The following MAGI2 variants were observed in gnomAD, a reference collection of about 807,000 sequenced individuals.
MAGI2 encodes the protein membrane-associated guanylate kinase, WW and PDZ domain-containing protein 2.
MAGI2 carries 35 observed loss-of-function variants against 133.3 expected under a neutral mutation model. The observed-to-expected ratio is 0.26, with a 90% CI of 0.20 to 0.35. The LOEUF (loss-of-function observed/expected upper bound fraction) is 0.35. Among genes scored for constraint, MAGI2 ranks in the 10% least tolerant of loss-of-function variants. The pLI is 1.00. For synonymous variants in MAGI2, 729 were observed against 710.6 expected (o/e 1.03, Z -0.41); for missense variants, 1,636 against 1,863.4 (o/e 0.88, Z 2.25).
At chr7:79,167,307 G>T (rs954501518) in intron 1 of MAGI2, among the ~76,000 whole-genome samples, 1 of 144,512 alleles carries the variant, frequency 6.9e-6, no homozygotes, top group African/African-American at 2.6e-5. Flanking sequence ...TGATTCTTCT[G>T]CCTCTCTACT....
At chr7:78,052,299 T>C (rs1006700928) in intron 21 of MAGI2, among the ~76,000 whole-genome samples, 1 of 152,128 alleles carries the variant, frequency 6.6e-6, no homozygotes, top group Non-Finnish European at 1.5e-5. Context: ...GGGACTGAGT[T>C]CTCCTTCTTG....
intron 10 of MAGI2, among the ~76,000 whole-genome samples, chr7:78,216,997 A>G (rs1467971844): frequency 6.6e-6 from 1 of 152,166 alleles, no homozygotes; most frequent in African/African-American, 2.4e-5. Context: ...CTCTGCCTTC[A>G]TCTTCACAGA....
intron 1 of MAGI2, chr7:79,414,510 T>C (rs1432653965): frequency 6.6e-6 from 1 of 152,146 alleles, no homozygotes; most frequent in East Asian, 1.9e-4. Context: ...TTTACAGTCA[T>C]ACATGATCAG....
At chr7:79,005,346 T>C (rs996921162) in intron 2 of MAGI2, among the ~76,000 whole-genome samples, 10 of 152,144 alleles carry the variant, frequency 6.6e-5, no homozygotes, top group African/African-American at 2.4e-4. Flanking sequence ...ATCCAAGGAT[T>C]TCCAATTAAA....
intron 10 of MAGI2, among the ~76,000 whole-genome samples, chr7:78,214,436 T>G (rs1457542060): frequency 6.6e-6 from 1 of 152,246 alleles, no homozygotes; most frequent in Non-Finnish European, 1.5e-5. Context: ...TCCCTGATAC[T>G]ATCTTTTTGA....
At position 79,378,288 on chromosome 7, in the gene MAGI2, A is replaced by G. The variant is rs528137884; in HGVS notation, c.301+74732T>C. Among the ~76,000 whole-genome samples the G allele has an allele frequency of 4.3e-4, 65 of 151,970 alleles. No homozygotes were observed. The South Asian group carries it at 4.6e-3, about 11-fold the overall frequency. ...TAATATCAAGGACTTATATAACACT[A>G]ACAATGTTCCAGTCACTTGTCTAAC... is the stretch of plus-strand genomic sequence containing the variant. On this transcript the variant is annotated intron_variant, in intron 1 of 21. Coordinates refer to ENST00000354212, the MANE Select transcript of MAGI2 (RefSeq NM_012301.4).
At chr7:79,085,907 A>G (rs967270482) in intron 1 of MAGI2, among the ~76,000 whole-genome samples, 5 of 151,940 alleles carry the variant, frequency 3.3e-5, no homozygotes, top group African/African-American at 1.2e-4. Flanking sequence ...CAACTGCCTT[A>G]GCCTTCATGT....
At chr7:78,394,256 A>G (rs1796147905) in intron 6 of MAGI2, among the ~76,000 whole-genome samples, 1 of 152,196 alleles carries the variant, frequency 6.6e-6, no homozygotes, top group Non-Finnish European at 1.5e-5. Flanking sequence ...ATTAACCATC[A>G]CATCACCCTA....
intron 2 of MAGI2, among the ~76,000 whole-genome samples, chr7:78,981,537 T>C (rs1013623748): frequency 2.0e-5 from 3 of 151,848 alleles, no homozygotes; most frequent in Non-Finnish European, 1.5e-5. Context: ...TTAATTAATT[T>C]AAGCATAATC....
At chr7:79,272,986 G>C (rs1461523757) in intron 1 of MAGI2, among the ~76,000 whole-genome samples, 1 of 152,008 alleles carries the variant, frequency 6.6e-6, no homozygotes. Flanking sequence ...AGTAATTTTG[G>C]TCTCTCTATT....
chr7:78,744,140 T>C (rs180820294), intron 2 of MAGI2, among the ~76,000 whole-genome samples: 1 of 152,266 alleles, frequency 6.6e-6, no homozygotes, highest in Admixed American at 6.5e-5. Context: ...GTAAAAACAA[T>C]AAAGATATAT....
intron 6 of MAGI2, among the ~76,000 whole-genome samples, chr7:78,440,676 G>A (rs1293297046): frequency 5.3e-5 from 8 of 152,306 alleles, no homozygotes; most frequent in African/African-American, 1.9e-4. Flanking sequence ...GAGAGGATGG[G>A]CGTGGTGGCT....
At chr7:78,451,456 T>C (rs1381925630) in intron 6 of MAGI2, among the ~76,000 whole-genome samples, 1 of 152,096 alleles carries the variant, frequency 6.6e-6, no homozygotes, top group Non-Finnish European at 1.5e-5. Flanking sequence ...AGATTGAGCA[T>C]AGAACTAGTA....
At chr7:78,564,786 T>TC (rs1363122039) in intron 3 of MAGI2, among the ~76,000 whole-genome samples, 1 of 104,826 alleles carries the variant, frequency 9.5e-6, no homozygotes, top group Non-Finnish European at 2.0e-5. Flanking sequence ...TGACATTCTT[T>TC]TTTTTTTTTT....
intron 6 of MAGI2, among the ~76,000 whole-genome samples, chr7:78,392,180 G>A (rs1166093940): frequency 6.6e-6 from 1 of 152,082 alleles, no homozygotes; most frequent in African/African-American, 2.4e-5. Context: ...ATCTGTAAGG[G>A]GTATTTATGC....
At chr7:79,367,132 G>C (rs1187398878) in intron 1 of MAGI2, among the ~76,000 whole-genome samples, 1 of 152,204 alleles carries the variant, frequency 6.6e-6, no homozygotes, top group African/African-American at 2.4e-5. Flanking sequence ...TTAAGCTACA[G>C]ACCAAATCCC....
chr7:79,253,897 C>G (rs1034182914), intron 1 of MAGI2, among the ~76,000 whole-genome samples: 4 of 152,076 alleles, frequency 2.6e-5, no homozygotes, highest in Non-Finnish European at 5.9e-5. Flanking sequence ...GCCAAGTTGA[C>G]TATAGGATAA....
intron 2 of MAGI2, among the ~76,000 whole-genome samples, chr7:78,706,535 T>TC (rs1818665724): frequency 6.6e-6 from 1 of 152,140 alleles, no homozygotes; most frequent in Non-Finnish European, 1.5e-5. Flanking sequence ...AATTTAAATT[T>TC]TTATAAATAC....
intron 2 of MAGI2, among the ~76,000 whole-genome samples, chr7:78,736,751 C>G (rs1821886454): frequency 6.6e-6 from 1 of 152,070 alleles, no homozygotes; most frequent in Admixed American, 6.5e-5. Context: ...GCTGTGCTAA[C>G]AGTACACTGC....
Sources: gnomAD v4.1 joint callset for allele counts (sites outside exome capture counted in the v4.1 genomes callset) on GRCh38, gnomAD v4.1.1 for gene constraint, MANE v1.5 for transcripts, NCBI Gene and HGNC (gene_info 2026-07-23, HGNC 2026-07-21) for gene names.